The following TBC1D22A variants were observed in gnomAD, a reference collection of about 807,000 sequenced individuals.
TBC1D22A encodes the protein TBC1 domain family member 22A.
Under a neutral mutation model 60.2 loss-of-function variants are expected in TBC1D22A, and 38 were observed. The observed-to-expected ratio is 0.63, with a 90% CI of 0.49 to 0.83. TBC1D22A has a LOEUF of 0.83. Ranked by LOEUF, TBC1D22A falls within the 40% of genes least tolerant of loss-of-function variation. The probability of loss-of-function intolerance (pLI) is 0.00; values close to 1 mark genes in which losing one functional copy is unlikely to be tolerated. For synonymous variants in TBC1D22A, 302 were observed against 281.7 expected (o/e 1.07, Z -0.72); for missense variants, 628 against 701.0 (o/e 0.90, Z 1.18).
At chr22:46,834,943 A>G (rs2086455311) in intron 4 of TBC1D22A, among the ~76,000 whole-genome samples, 1 of 152,096 alleles carries the variant, frequency 6.6e-6, no homozygotes, top group African/African-American at 2.4e-5. Context: ...AACCTTAGAC[A>G]CTTCTGAGCA....
chr22:47,016,752 C>T (rs529723353), intron 10 of TBC1D22A, among the ~76,000 whole-genome samples: 3 of 152,348 alleles, frequency 2.0e-5, no homozygotes, highest in South Asian at 4.1e-4. Flanking sequence ...CAGTCACAGC[C>T]GTATTCGTTT....
chr22:47,014,090 C>T (rs561489425), intron 10 of TBC1D22A, among the ~76,000 whole-genome samples: 11 of 152,334 alleles, frequency 7.2e-5, no homozygotes, highest in African/African-American at 2.6e-4. Flanking sequence ...AGACCACACT[C>T]CTGTGTCCCC....
intron 12 of TBC1D22A, among the ~76,000 whole-genome samples, chr22:47,113,351 G>A (rs1349708684): frequency 6.6e-6 from 1 of 152,196 alleles, no homozygotes; most frequent in Non-Finnish European, 1.5e-5. Context: ...TGGCTGGCTG[G>A]GGAGCTCTGT....
At chr22:46,904,130 TCTATCTATCTATCTAC>T (rs1431106078) in intron 7 of TBC1D22A, among the ~76,000 whole-genome samples, 4 of 96,710 alleles carry the variant, frequency 4.1e-5, no homozygotes, top group Non-Finnish European at 7.7e-5. Context: ...TATCTATCTA[TCTATCTATCTATCTAC>T]CTACCTACCT....
chr22:47,009,190 G>T lies in TBC1D22A; in HGVS notation c.1201+11481G>T, dbSNP rs1424924294. Among the ~76,000 whole-genome samples the T allele has an allele frequency of 2.0e-5, 3 of 152,050 alleles. No individual in the cohort carries two copies. Among genetic ancestry groups the T allele is most frequent in the African/African-American group, 7.3e-5 (3 of 41,374 alleles). On this transcript the variant is annotated intron_variant, in intron 10 of 12. Coordinates refer to ENST00000337137, the MANE Select transcript of TBC1D22A (RefSeq NM_014346.5). The surrounding 1 kb of genome is among the most constrained non-coding windows in gnomAD (Gnocchi z 5.8). Reference sequence around the variant, plus strand: ...ATGGGAGTAAAGTACTTACAGGAGTGCCTGGCACACTTAAGTCTCATGCAG... The same window carrying T: ...ATGGGAGTAAAGTACTTACAGGAGTTCCTGGCACACTTAAGTCTCATGCAG...
intron 8 of TBC1D22A, among the ~76,000 whole-genome samples, chr22:46,964,403 C>G (rs2073697955): frequency 6.6e-6 from 1 of 152,120 alleles, no homozygotes; most frequent in South Asian, 2.1e-4. Flanking sequence ...GCCAGGAAGG[C>G]CTGAGAAGCT....
intron 12 of TBC1D22A, among the ~76,000 whole-genome samples, chr22:47,156,336 C>T (rs1314299459): frequency 2.0e-5 from 3 of 152,206 alleles, no homozygotes; most frequent in Non-Finnish European, 4.4e-5. Context: ...CTGTAACCCT[C>T]TCCGAGAGAC....
At chr22:46,782,917 C>T (rs1034790504) in intron 1 of TBC1D22A, among the ~76,000 whole-genome samples, 3 of 152,184 alleles carry the variant, frequency 2.0e-5, no homozygotes, top group African/African-American at 7.2e-5. Flanking sequence ...ATGGTTAATG[C>T]TGTACAAGGT....
chr22:47,108,260 T>C (rs997747223), intron 11 of TBC1D22A, among the ~76,000 whole-genome samples: 2 of 152,232 alleles, frequency 1.3e-5, no homozygotes, highest in Admixed American at 6.5e-5. Context: ...CAAATGTTCA[T>C]GGCATCTCTC....
At chr22:47,116,659 G>C (rs573875783) in intron 12 of TBC1D22A, 87 of 152,476 alleles carry the variant, frequency 5.7e-4, no homozygotes, top group African/African-American at 2.0e-3. Flanking sequence ...CCAGCTGCTG[G>C]ATGGGCTGCA....
At chr22:47,135,279 G>A (rs887366725) in intron 12 of TBC1D22A, among the ~76,000 whole-genome samples, 1 of 152,240 alleles carries the variant, frequency 6.6e-6, no homozygotes, top group Non-Finnish European at 1.5e-5. Flanking sequence ...ATGAGGGTCT[G>A]CGGTGGGTCC....
At chr22:47,125,022 G>A (rs934572477) in intron 12 of TBC1D22A, among the ~76,000 whole-genome samples, 4 of 152,094 alleles carry the variant, frequency 2.6e-5, no homozygotes, top group African/African-American at 4.8e-5. Context: ...AGGGTGGCGG[G>A]GAGGCAGCCT....
chr22:47,075,913 A>G (rs1164405700), intron 11 of TBC1D22A, among the ~76,000 whole-genome samples: 2 of 152,196 alleles, frequency 1.3e-5, no homozygotes, highest in South Asian at 2.1e-4. Flanking sequence ...GATATCAGAC[A>G]AAATTGATTT....
chr22:46,853,542 C>T (rs568683065), intron 4 of TBC1D22A, among the ~76,000 whole-genome samples: 257 of 152,278 alleles, frequency 1.7e-3, no homozygotes, highest in African/African-American at 4.6e-3. Flanking sequence ...GAGGGCTTCA[C>T]GTCAGCTGCT....
intron 4 of TBC1D22A, among the ~76,000 whole-genome samples, chr22:46,867,799 A>G (rs1204513990): frequency 6.6e-6 from 1 of 152,234 alleles, no homozygotes; most frequent in Non-Finnish European, 1.5e-5. Context: ...GACAAAATCA[A>G]AGAGACACTT....
chr22:47,159,954 AG>A (rs1413829830), intron 12 of TBC1D22A, among the ~76,000 whole-genome samples: 1 of 118,346 alleles, frequency 8.4e-6, no homozygotes, highest in African/African-American at 3.9e-5. Context: ...AAAACTACAC[AG>A]CACACATACA....
intron 7 of TBC1D22A, among the ~76,000 whole-genome samples, chr22:46,911,831 A>T (rs2069948687): frequency 6.6e-6 from 1 of 151,462 alleles, no homozygotes; most frequent in Non-Finnish European, 1.5e-5. Flanking sequence ...AGGTGGGAGG[A>T]TTGCTTGAAC....
chr22:46,770,110 T>C (rs1017666075), intron 1 of TBC1D22A, among the ~76,000 whole-genome samples: 2 of 152,180 alleles, frequency 1.3e-5, no homozygotes, highest in Non-Finnish European at 2.9e-5. Context: ...GTGGGCCCAG[T>C]GTAACCTCAC....
At chr22:46,797,909 G>A (rs2084728429) in intron 4 of TBC1D22A, among the ~76,000 whole-genome samples, 1 of 152,114 alleles carries the variant, frequency 6.6e-6, no homozygotes, top group South Asian at 2.1e-4. Flanking sequence ...GTCTTACTCT[G>A]TTGCCTGGCT....
Sources: gnomAD v4.1 joint callset for allele counts (sites outside exome capture counted in the v4.1 genomes callset) on GRCh38, gnomAD v4.1.1 for gene constraint, Gnocchi (gnomAD v3.1) non-coding constraint, MANE v1.5 for transcripts, NCBI Gene and HGNC (gene_info 2026-07-23, HGNC 2026-07-21) for gene names.